The following EXOC2 variants were observed in gnomAD, a reference collection of about 807,000 sequenced individuals.
EXOC2 encodes the protein SEC5-like 1.
EXOC2 carries 70 observed loss-of-function variants against 131.8 expected under a neutral mutation model. The observed-to-expected ratio is 0.53, with a 90% CI of 0.44 to 0.65. EXOC2 has a LOEUF of 0.65. Ranked by LOEUF, EXOC2 falls within the 30% of genes least tolerant of loss-of-function variation. The pLI is 0.00. For synonymous variants in EXOC2, 411 were observed against 398.4 expected (o/e 1.03, Z -0.38); for missense variants, 923 against 1,108.6 (o/e 0.83, Z 2.38).
At chr6:503,631 T>C (rs538476596) in intron 23 of EXOC2, among the ~76,000 whole-genome samples, 3 of 152,324 alleles carry the variant, frequency 2.0e-5, no homozygotes, top group African/African-American at 7.2e-5. Context: ...TAATTTGTTA[T>C]ATGTTTGGTT....
intron 23 of EXOC2, chr6:525,716 T>C (rs948413716): frequency 6.6e-6 from 1 of 152,198 alleles, no homozygotes; most frequent in Non-Finnish European, 1.5e-5. Flanking sequence ...AAAATTAAAG[T>C]TTTCTAGCAT....
At chr6:661,034 G>A (rs1763404061) in intron 1 of EXOC2, among the ~76,000 whole-genome samples, 1 of 152,312 alleles carries the variant, frequency 6.6e-6, no homozygotes, top group Middle Eastern at 3.4e-3. Context: ...CAATGGAAAT[G>A]AACAAGTAGA....
intron 1 of EXOC2, among the ~76,000 whole-genome samples, chr6:683,984 C>A (rs11969958): frequency 6.6e-6 from 1 of 152,210 alleles, no homozygotes; most frequent in East Asian, 1.9e-4. Context: ...TCAGGAGAAA[C>A]TCTGGGCACA....
At chr6:645,900 G>T (rs984160585) in intron 1 of EXOC2, among the ~76,000 whole-genome samples, 1 of 152,230 alleles carries the variant, frequency 6.6e-6, no homozygotes, top group African/African-American at 2.4e-5. Context: ...CACTAAGGAA[G>T]TGTATGTCAA....
intron 10 of EXOC2, among the ~76,000 whole-genome samples, chr6:595,581 A>G (rs1388294521): frequency 1.3e-5 from 2 of 152,098 alleles, no homozygotes; most frequent in Non-Finnish European, 2.9e-5. Flanking sequence ...CTTTTAAACG[A>G]TATCCAGTAA....
intron 1 of EXOC2, among the ~76,000 whole-genome samples, chr6:688,926 T>C (rs2127819299): frequency 6.6e-6 from 1 of 152,326 alleles, no homozygotes; most frequent in South Asian, 2.1e-4. Flanking sequence ...TTAAATCATA[T>C]GCCCTCCAAA....
At chr6:540,395 A>G (rs1766740591) in intron 22 of EXOC2, among the ~76,000 whole-genome samples, 1 of 152,242 alleles carries the variant, frequency 6.6e-6, no homozygotes, top group Non-Finnish European at 1.5e-5. Context: ...AAGACACTGG[A>G]AAGAACTTTA....
intron 1 of EXOC2, among the ~76,000 whole-genome samples, chr6:689,934 A>T (rs1376113178): frequency 6.6e-6 from 1 of 152,260 alleles, no homozygotes; most frequent in African/African-American, 2.4e-5. Context: ...CTGAATACAC[A>T]AAAAAGGAAA....
intron 11 of EXOC2, 115 bp downstream of exon 11, chr6:592,354 A>G (rs1031723526): frequency 1.5e-5 from 13 of 880,742 alleles, no homozygotes; most frequent in Non-Finnish European, 1.8e-5. Flanking sequence ...GCAAAAGACA[A>G]TAATAAGAGA....
Position 632,995 on chromosome 6 carries a change from C to G in EXOC2, c.241G>C (p.Gly81Arg), listed in dbSNP as rs772775894. 1.9e-6 allele frequency: 3 copies of G among 1,614,156 alleles called. No homozygotes were observed. The South Asian group carries it at 3.3e-5, about 18-fold the overall frequency. Residue 81 changes from glycine to arginine, a missense_variant, in exon 3 of 28, where the codon GGT becomes CGT. Transcript: ENST00000230449. The stretch of plus-strand genomic sequence containing the variant: ...GAGACTGTTGAGGTTCCTCTGCCAC[C>G]TGACTTAGTGGTGACAATAATGTCT... ...KGDIIVTTKS[G>R]GRGTSTVSFK... is the part of the protein sequence containing the mutation.
At chr6:612,509 G>A (rs769979863) in intron 6 of EXOC2, among the ~76,000 whole-genome samples, 3 of 152,118 alleles carry the variant, frequency 2.0e-5, no homozygotes, top group African/African-American at 7.2e-5. Context: ...AACTGGTTAC[G>A]TAATCTGTGG....
At chr6:652,266 T>C (rs1288262349) in intron 1 of EXOC2, among the ~76,000 whole-genome samples, 1 of 152,192 alleles carries the variant, frequency 6.6e-6, no homozygotes, top group African/African-American at 2.4e-5. Context: ...ATAACTTTAA[T>C]AGCATTAAAT....
intron 4 of EXOC2, among the ~76,000 whole-genome samples, chr6:622,445 C>T (rs919133544): frequency 1.3e-5 from 2 of 152,198 alleles, no homozygotes; most frequent in Non-Finnish European, 2.9e-5. Context: ...CATGGTGCTG[C>T]GCTGTGCCTC....
At chr6:616,723 G>A (rs997421032) in intron 6 of EXOC2, among the ~76,000 whole-genome samples, 3 of 151,508 alleles carry the variant, frequency 2.0e-5, no homozygotes, top group African/African-American at 7.3e-5. Context: ...CACAGGAAGA[G>A]GGGGGCTTAT....
intron 25 of EXOC2, among the ~76,000 whole-genome samples, chr6:496,815 G>A (rs1763770450): frequency 6.6e-6 from 1 of 152,234 alleles, no homozygotes; most frequent in African/African-American, 2.4e-5. Flanking sequence ...GAAGGGCACT[G>A]CTTTTTGAAA....
intron 7 of EXOC2, among the ~76,000 whole-genome samples, chr6:600,366 G>A (rs7771367): frequency 0.089 from 13,580 of 152,118 alleles, 1,025 homozygotes; most frequent in African/African-American, 0.21. Context: ...ACACAATGGA[G>A]GCTAAATTAG....
At chr6:610,953 G>A (rs1335598460) in intron 6 of EXOC2, among the ~76,000 whole-genome samples, 2 of 152,232 alleles carry the variant, frequency 1.3e-5, no homozygotes, top group South Asian at 2.1e-4. Flanking sequence ...AATTGTCTTG[G>A]TTGACTTGGA....
chr6:493,742 TG>T (rs761934136), intron 25 of EXOC2, among the ~76,000 whole-genome samples: 64 of 152,086 alleles, frequency 4.2e-4, no homozygotes, highest in Non-Finnish European at 7.2e-4. Flanking sequence ...AGTGGGAGAG[TG>T]AAGCGGGAGT....
chr6:669,060 C>T (rs565175794), intron 1 of EXOC2: 1 of 152,416 alleles, frequency 6.6e-6, no homozygotes, highest in South Asian at 2.1e-4. Context: ...ATGTTTGCTC[C>T]TCGAGGACAA....
Sources: allele counts gnomAD v4.1 joint callset (sites outside exome capture counted in the v4.1 genomes callset), GRCh38; gene constraint gnomAD v4.1.1; transcripts MANE v1.5; gene names NCBI Gene and HGNC (gene_info 2026-07-23, HGNC 2026-07-21).